STK3: variants seen among roughly 807,000 people sequenced by gnomAD.
STK3 encodes serine/threonine kinase 3, also known as serine/threonine-protein kinase 3.
STK3 carries 41 observed loss-of-function variants against 58.0 expected under a neutral mutation model. That is an observed-to-expected ratio of 0.71 (90% CI 0.55 to 0.92). The LOEUF is 0.92. Among genes scored for constraint, STK3 ranks in the 40% least tolerant of loss-of-function variants. The probability of loss-of-function intolerance (pLI) is 0.00; values close to 1 mark genes in which losing one functional copy is unlikely to be tolerated. For synonymous variants in STK3, 170 were observed against 191.0 expected, an observed-to-expected ratio of 0.89 and a Z score of 0.91; for missense variants, 479 against 602.7, an observed-to-expected ratio of 0.79 and a Z score of 2.15.
At chr8:98,540,932 A>G (rs1038301638) in intron 9 of STK3, among the ~76,000 whole-genome samples, 87 of 152,210 alleles carry the variant, frequency 5.7e-4, no homozygotes, top group African/African-American at 2.0e-3. Context: ...ACAGGTACTG[A>G]GGAGTGGTTG....
intron 4 of STK3, among the ~76,000 whole-genome samples, chr8:98,714,842 G>GCTTT (rs1363798125): frequency 1.3e-5 from 2 of 152,170 alleles, no homozygotes; most frequent in Non-Finnish European, 2.9e-5. Flanking sequence ...CTAAGCCAAA[G>GCTTT]GAACAAAGCT....
chr8:98,934,248 GA>G (rs1307539488), intron 1 of STK3, among the ~76,000 whole-genome samples: 2 of 152,040 alleles, frequency 1.3e-5, no homozygotes, highest in African/African-American at 4.8e-5. Flanking sequence ...ATCTTCCAAG[GA>G]AAAAATGAAG....
chr8:98,540,134 T>A (rs937489189), intron 9 of STK3, among the ~76,000 whole-genome samples: 1 of 152,166 alleles, frequency 6.6e-6, no homozygotes, highest in African/African-American at 2.4e-5. Flanking sequence ...CTCCAGTGTA[T>A]CTCCAGCCTT....
At chr8:98,854,311 A>G (rs910030643) in intron 3 of STK3, among the ~76,000 whole-genome samples, 7 of 151,854 alleles carry the variant, frequency 4.6e-5, no homozygotes. Context: ...GCTAATTTTT[A>G]TATTTTTAAT....
upstream of STK3, among the ~76,000 whole-genome samples, chr8:98,830,630 A>T (rs1174050831): frequency 6.6e-6 from 1 of 152,212 alleles, no homozygotes; most frequent in African/African-American, 2.4e-5. Context: ...AGCTGCAGGA[A>T]CATTTGAGAT....
At chr8:98,542,618 T>C (rs1466380006) in intron 9 of STK3, among the ~76,000 whole-genome samples, 1 of 152,196 alleles carries the variant, frequency 6.6e-6, no homozygotes, top group Non-Finnish European at 1.5e-5. Context: ...CAGGAAGATA[T>C]GATTTTTATC....
intron 10 of STK3, among the ~76,000 whole-genome samples, chr8:98,498,923 T>G (rs1823364964): frequency 6.6e-6 from 1 of 152,220 alleles, no homozygotes. Flanking sequence ...CTAGAATCTC[T>G]GAATGTTACC....
chr8:98,705,861 T>G (rs1329280540), intron 6 of STK3, among the ~76,000 whole-genome samples: 2 of 152,152 alleles, frequency 1.3e-5, no homozygotes, highest in South Asian at 2.1e-4. Flanking sequence ...GACTTGAATA[T>G]GCAAAATATA....
intron 10 of STK3, among the ~76,000 whole-genome samples, chr8:98,491,161 ACGAG>A (rs1370368811): frequency 1.1e-5 from 1 of 90,266 alleles, no homozygotes; most frequent in Non-Finnish European, 2.2e-5. Flanking sequence ...CAAAATAAAC[ACGAG>A]AGAGAGAGAG....
At chr8:98,869,368 C>A (rs781223874) in intron 3 of STK3, among the ~76,000 whole-genome samples, 19 of 152,102 alleles carry the variant, frequency 1.2e-4, no homozygotes, top group Non-Finnish European at 2.6e-4. Context: ...TTACAGTGAG[C>A]CGAAATTGTG....
intron 3 of STK3, among the ~76,000 whole-genome samples, chr8:98,869,758 T>C (rs1306388922): frequency 4.6e-5 from 7 of 151,954 alleles, no homozygotes; most frequent in Admixed American, 1.3e-4. Flanking sequence ...TCAGAAATAC[T>C]ATAAGAAAAC....
intron 6 of STK3, among the ~76,000 whole-genome samples, chr8:98,706,124 C>T (rs1354171798): frequency 6.6e-6 from 1 of 151,202 alleles, no homozygotes; most frequent in African/African-American, 2.4e-5. Context: ...TGATTACTTC[C>T]AACTCTTTCA....
intron 10 of STK3, among the ~76,000 whole-genome samples, chr8:98,515,447 C>G (rs1050918241): frequency 6.6e-6 from 1 of 152,088 alleles, no homozygotes; most frequent in Non-Finnish European, 1.5e-5. Context: ...GTCTGCACCC[C>G]GCACCTCGGC....
chr8:98,640,678 A>G (rs1379885713), intron 6 of STK3, among the ~76,000 whole-genome samples: 1 of 151,938 alleles, frequency 6.6e-6, no homozygotes, highest in African/African-American at 2.4e-5. Flanking sequence ...GAACATTCCA[A>G]TATAATTTAA....
At chr8:98,830,425 T>G (rs1835481821), upstream of STK3, among the ~76,000 whole-genome samples, 1 of 152,182 alleles carries the variant, frequency 6.6e-6, no homozygotes, top group Non-Finnish European at 1.5e-5. Context: ...GAGGCAGGAC[T>G]GTGCCTGGTG....
intron 6 of STK3, among the ~76,000 whole-genome samples, chr8:98,609,715 C>T (rs1456081770): frequency 6.6e-6 from 1 of 152,132 alleles, no homozygotes; most frequent in Non-Finnish European, 1.5e-5. Context: ...AATCCCAGCA[C>T]TTTGGGAGGC....
intron 6 of STK3, among the ~76,000 whole-genome samples, chr8:98,700,568 T>G (rs1471309346): frequency 6.6e-6 from 1 of 152,232 alleles, no homozygotes; most frequent in Non-Finnish European, 1.5e-5. Flanking sequence ...TTGTCATGCT[T>G]TATGTGAGTT....
At chr8:98,629,925 C>G (rs1232793535) in intron 6 of STK3, among the ~76,000 whole-genome samples, 1 of 152,150 alleles carries the variant, frequency 6.6e-6, no homozygotes, top group Admixed American at 6.5e-5. Context: ...TTAGAATAGT[C>G]CCCTGTTCTA....
intron 4 of STK3, among the ~76,000 whole-genome samples, chr8:98,713,899 G>A (rs1026617010): frequency 8.6e-5 from 13 of 152,004 alleles, no homozygotes; most frequent in South Asian, 2.1e-4. Flanking sequence ...CTGACAAACC[G>A]AATCCAGCAG....
Sources: gnomAD v4.1 joint callset for allele counts (sites outside exome capture counted in the v4.1 genomes callset) on GRCh38, gnomAD v4.1.1 for gene constraint, MANE v1.5 for transcripts, NCBI Gene and HGNC (gene_info 2026-07-23, HGNC 2026-07-21) for gene names.